Variants in HKDC1 observed in about 807,000 individuals in gnomAD.
HKDC1 encodes hexokinase domain containing 1.
In HKDC1, 66 loss-of-function variants were observed where a neutral mutation model predicts 96.6. That is an observed-to-expected ratio of 0.68 (90% confidence interval 0.56 to 0.84). The LOEUF is 0.84. Ranked by LOEUF, HKDC1 falls within the 40% of genes least tolerant of loss-of-function variation. The pLI, the probability that HKDC1 is intolerant of heterozygous loss-of-function variation, is 0.00. For missense variants in HKDC1, 1,211 were observed against 1,208.1 expected (o/e 1.00, Z -0.04); for synonymous variants, 466 against 473.1 (o/e 0.98, Z 0.20).
chr10:69,236,582 A>G (rs2132344819), intron 4 of HKDC1, among the ~76,000 whole-genome samples: 1 of 151,726 alleles, frequency 6.6e-6, no homozygotes, highest in East Asian at 2.0e-4. Flanking sequence ...GGAGTTCGAG[A>G]CCAGCCTGAC....
intron 3 of HKDC1, 32 bp from the exon 4 acceptor site, chr10:69,232,982 A>G (rs1043561584): frequency 6.2e-6 from 10 of 1,613,146 alleles, no homozygotes; most frequent in Middle Eastern, 1.6e-4. Context: ...ACCACACCTT[A>G]GCCCATGTAC....
Position 69,239,025 on chromosome 10 carries a change from C to T in HKDC1, c.496-17C>T, listed in dbSNP as rs1843408953. The stretch of plus-strand genomic sequence containing the variant: ...AGCACGTCTTTCATTCAAACTGGAC[C>T]TGAAATCTTCTCCCAGGGTGTCCTA... On this transcript the variant is annotated splice_polypyrimidine_tract_variant and intron_variant, in intron 4 of 17. Transcript: ENST00000354624. 6.3e-7 allele frequency: 1 copy of T among 1,596,446 alleles called. No individual in the cohort carries two copies. Among genetic ancestry groups the T allele is most frequent in the African/African-American group, 1.3e-5 (1 of 74,612 alleles).
At position 69,261,181 on chromosome 10, in the gene HKDC1, G is replaced by A. The variant is rs1293243595; in HGVS notation, c.2259G>A (p.Val753=). 1 of 1,613,950 alleles carries A rather than the reference G, an allele frequency of 6.2e-7. No homozygotes were observed. The highest frequency in any genetic ancestry group is 1.7e-5 in the Admixed American group (1 of 59,992). Reference sequence around the variant, plus strand: ...GTGGGATGTACTTGGGGGAGATTGTGCGGCAGATCCTGATCGACCTGACCA... The same window carrying A: ...GTGGGATGTACTTGGGGGAGATTGTACGGCAGATCCTGATCGACCTGACCA... ...MTSGMYLGEI[V]RQILIDLTKQ... is the part of the protein sequence containing the mutation. Residue 753 remains valine (V), a synonymous_variant, in exon 16 of 18, where the codon GTG becomes GTA. Coordinates refer to ENST00000354624, the MANE Select transcript of HKDC1 (RefSeq NM_025130.4).
intron 2 of HKDC1, among the ~76,000 whole-genome samples, chr10:69,231,441 C>A (rs530589775): frequency 1.3e-5 from 2 of 152,126 alleles, no homozygotes; most frequent in African/African-American, 4.8e-5. Flanking sequence ...TCACTCTTAG[C>A]GGATGCTTTC....
At chr10:69,232,228 AATCAGC>A (rs199908513) in intron 2 of HKDC1, 5,526 of 157,866 alleles carry the variant, frequency 0.035, 118 homozygotes, top group African/African-American at 0.06. Context: ...GGCCTAAAAA[AATCAGC>A]ATCCTTGGCA....
intron 2 of HKDC1, among the ~76,000 whole-genome samples, chr10:69,230,224 G>A (rs1167364053): frequency 3.3e-5 from 5 of 152,172 alleles, no homozygotes; most frequent in Admixed American, 2.0e-4. Flanking sequence ...GTCATGGAAG[G>A]GGCATGGGAA....
At chr10:69,220,535 C>G in intron 1 of HKDC1, 37 bp downstream of exon 1, 1 of 1,439,606 alleles carries the variant, frequency 6.9e-7, no homozygotes, top group Non-Finnish European at 9.4e-7. Flanking sequence ...ATGCCCAGCT[C>G]CTTCTTCACG....
intron 5 of HKDC1, among the ~76,000 whole-genome samples, chr10:69,239,907 A>G (rs1247660967): frequency 2.6e-5 from 4 of 151,962 alleles, no homozygotes; most frequent in Non-Finnish European, 4.4e-5. Flanking sequence ...GGCATAAGCC[A>G]CATGCCTGGC....
chr10:69,229,165 C>G (rs367548951), intron 2 of HKDC1, among the ~76,000 whole-genome samples: 1 of 152,178 alleles, frequency 6.6e-6, no homozygotes, highest in Non-Finnish European at 1.5e-5. Flanking sequence ...AAACCGAGCT[C>G]GTGAAAGAGC....
chr10:69,247,341 A>T lies in HKDC1; in HGVS notation c.1032-19A>T. The T allele has an allele frequency of 6.4e-7, 1 of 1,567,810 alleles. No homozygotes were observed. Among genetic ancestry groups the T allele is most frequent in the Non-Finnish European group, 8.8e-7 (1 of 1,137,762 alleles). On this transcript the variant is annotated intron_variant, in intron 8 of 17. Coordinates refer to ENST00000354624, the MANE Select transcript of HKDC1 (RefSeq NM_025130.4). Reference sequence around the variant, plus strand: ...TGGGATGGAGAAGTGTCGTTCACTCATTCCTGTCCCCTGGCCAGGTATAAA... The same window carrying T: ...TGGGATGGAGAAGTGTCGTTCACTCTTTCCTGTCCCCTGGCCAGGTATAAA...
Position 69,239,078 on chromosome 10 carries a change from C to G in HKDC1, c.532C>G (p.Arg178Gly), listed in dbSNP as rs748281031. 1.2e-6 allele frequency: 2 copies of G among 1,613,796 alleles called. No homozygotes were observed. Among genetic ancestry groups the G allele is most frequent in the Non-Finnish European group, 1.7e-6 (2 of 1,179,806 alleles). Reference sequence around the variant, plus strand: ...TTCGTGGACAAAAAAGTTTAAGGCACGAGGAGTTCAGGACACGGATGTGGT... The same window carrying G: ...TTCGTGGACAAAAAAGTTTAAGGCAGGAGGAGTTCAGGACACGGATGTGGT... Reference protein sequence around the residue: ...LLSWTKKFKARGVQDTDVVSR... With the variant: ...LLSWTKKFKAGGVQDTDVVSR... Residue 178 changes from arginine (R) to glycine (G), a missense_variant, in exon 5 of 18, where the codon CGA becomes GGA. Transcript: ENST00000354624.
At chr10:69,228,455 G>A (rs1444819134) in intron 2 of HKDC1, among the ~76,000 whole-genome samples, 1 of 152,126 alleles carries the variant, frequency 6.6e-6, no homozygotes, top group Non-Finnish European at 1.5e-5. Context: ...GAGCATCTTT[G>A]TTGGGGGTGG....
chr10:69,243,499 CTTT>C (rs5785905), intron 7 of HKDC1, 134 bp downstream of exon 7: 1,554 of 517,610 alleles, frequency 3.0e-3, no homozygotes, highest in South Asian at 4.5e-3. Flanking sequence ...TTTCTTTTTC[CTTT>C]TTTTTTTTTT....
At chr10:69,238,984 C>A in intron 4 of HKDC1, 58 bp from the exon 5 acceptor site, 1 of 1,269,316 alleles carries the variant, frequency 7.9e-7, no homozygotes, top group Non-Finnish European at 1.1e-6. Context: ...GTTTCTGCGG[C>A]TCAGTTGCAC....
chr10:69,229,122 A>AG (rs1843207646), intron 2 of HKDC1, among the ~76,000 whole-genome samples: 1 of 152,208 alleles, frequency 6.6e-6, no homozygotes, highest in South Asian at 2.1e-4. Context: ...CCAAGGACCA[A>AG]GGGGTTTCTC....
At chr10:69,251,557 C>G (rs549295919) in intron 12 of HKDC1, among the ~76,000 whole-genome samples, 5 of 152,112 alleles carry the variant, frequency 3.3e-5, no homozygotes, top group African/African-American at 4.8e-5. Context: ...TTGAGTTGAA[C>G]CTATATATTA....
intron 4 of HKDC1, among the ~76,000 whole-genome samples, chr10:69,236,606 C>T (rs972657170): frequency 2.5e-4 from 38 of 151,718 alleles, no homozygotes; most frequent in Non-Finnish European, 2.4e-4. Flanking sequence ...CATGGAGAAA[C>T]CCCGTCTCTA....
At position 69,265,598 on chromosome 10, in the gene HKDC1, C is replaced by T. The variant is rs747327401; in HGVS notation, c.2386C>T (p.Leu796Phe). 2.7e-5 allele frequency: 44 copies of T among 1,613,574 alleles called. No individual in the cohort carries two copies. The highest frequency in any genetic ancestry group is 1.7e-4 in the Middle Eastern group (1 of 6,054). The stretch of plus-strand genomic sequence containing the variant: ...TATTGCCTGCAGCGATCGGCTGGCC[C>T]TTCTCCAGGTCAGGAGGATTCTGCA... ...LSQIESDRLALLQVRRILQQL... is the reference protein window; with the variant it reads ...LSQIESDRLAFLQVRRILQQL... The change falls in exon 17 of 18, where the codon CTT (leucine) becomes TTT (phenylalanine). Residue 796 changes from leucine to phenylalanine, a missense_variant. By Grantham distance (22) the Leu-to-Phe change is conservative. Coordinates refer to ENST00000354624, the MANE Select transcript of HKDC1 (RefSeq NM_025130.4).
chr10:69,254,347 G>A (rs1466484696), intron 12 of HKDC1, among the ~76,000 whole-genome samples: 1 of 152,108 alleles, frequency 6.6e-6, no homozygotes, highest in Non-Finnish European at 1.5e-5. Context: ...TCTTATTGTG[G>A]TAAAATACAC....
Sources: gnomAD v4.1 joint callset for allele counts (sites outside exome capture counted in the v4.1 genomes callset) on GRCh38, gnomAD v4.1.1 for gene constraint, MANE v1.5 for transcripts, NCBI Gene and HGNC (gene_info 2026-07-23, HGNC 2026-07-21) for gene names.